Variants in SCAF11 observed in about 807,000 individuals in gnomAD.
The protein encoded by SCAF11 is SR-related CTD associated factor 11.
A neutral mutation model predicts 140.5 loss-of-function variants in SCAF11; 47 were observed. The observed-to-expected ratio is 0.33, with a 90% CI of 0.26 to 0.43. The LOEUF (loss-of-function observed/expected upper bound fraction) is 0.43, where lower values mean the gene tolerates loss of function less well. Among genes scored for constraint, SCAF11 ranks in the 20% least tolerant of loss-of-function variants. The pLI is 1.00. For missense variants in SCAF11, 1,645 were observed against 1,705.1 expected, an observed-to-expected ratio of 0.96 and a Z score of 0.62; for synonymous variants, 557 against 579.4, an observed-to-expected ratio of 0.96 and a Z score of 0.55.
At chr12:45,941,341 C>T (rs6582578) in intron 6 of SCAF11, among the ~76,000 whole-genome samples, 129,737 of 152,194 alleles carry the variant, frequency 0.85, 55,664 homozygotes, top group African/African-American at 0.95. Flanking sequence ...TTCTGATATA[C>T]GTACACATTG....
At chr12:45,980,370 T>C (rs1352384981) in intron 1 of SCAF11, among the ~76,000 whole-genome samples, 1 of 152,204 alleles carries the variant, frequency 6.6e-6, no homozygotes, top group East Asian at 1.9e-4. Context: ...TATGGATATG[T>C]TTAGCAACCA....
chr12:45,966,046 C>A (rs1945938952), intron 1 of SCAF11, among the ~76,000 whole-genome samples: 1 of 152,116 alleles, frequency 6.6e-6, no homozygotes, highest in Admixed American at 6.5e-5. Flanking sequence ...CCACTCTTAG[C>A]CTATGTGTGC....
Position 45,953,775 on chromosome 12 carries a change from GTCTC to G in SCAF11, c.220-2052_220-2049del, listed in dbSNP as rs1204183774. ...TTTTAATAAACTCGAGCAAGTTACA[GTCTC>G]TCTGTGCCTCAGTAACCTTATTTGT... is the stretch of plus-strand genomic sequence containing the variant. On this transcript the variant is annotated intron_variant, in intron 3 of 14. Coordinates refer to ENST00000369367, the MANE Select transcript of SCAF11 (RefSeq NM_004719.3). 17 of 447,550 alleles carry G rather than the reference GTCTC, an allele frequency of 3.8e-5. No homozygotes were observed. In the Admixed American group the frequency reaches 5.4e-4, roughly 14 times the overall value. The allele number at this position is 447,550 out of a possible 1,614,324, so 27.7% of individuals were successfully genotyped here. A position where few individuals can be genotyped will look rare whatever the true frequency, so the allele number is the denominator to read the frequency against.
chr12:45,992,055 T>C, upstream of SCAF11: 1 of 1,288,336 alleles, frequency 7.8e-7, no homozygotes, highest in Non-Finnish European at 1.0e-6. Context: ...CCTTCCTGCA[T>C]TCTCGCAGAC....
chr12:45,938,519 A>C (rs1397381675), intron 6 of SCAF11, among the ~76,000 whole-genome samples: 1 of 151,902 alleles, frequency 6.6e-6, no homozygotes, highest in Non-Finnish European at 1.5e-5. Flanking sequence ...CAAACAAAAA[A>C]CACACTTTTC....
chr12:45,990,154 CG>C (rs1230390831), intron 1 of SCAF11, among the ~76,000 whole-genome samples, 198 bp downstream of exon 1: 4 of 152,008 alleles, frequency 2.6e-5, no homozygotes, highest in Non-Finnish European at 5.9e-5. Context: ...CCCTCCCGGC[CG>C]CAGCCTCCCC....
Position 45,928,843 on chromosome 12 carries a change from T to G in SCAF11, c.858A>C (p.Gly286=). 6.4e-7 allele frequency: 1 copy of G among 1,559,086 alleles called. No individual in the cohort carries two copies. Among genetic ancestry groups the G allele is most frequent in the Non-Finnish European group, 8.6e-7 (1 of 1,157,474 alleles). Residue 286 remains glycine, a synonymous_variant, in exon 11 of 15, where the codon GGA becomes GGC. Coordinates refer to ENST00000369367, the MANE Select transcript of SCAF11 (RefSeq NM_004719.3). The part of the protein sequence containing the change: ...SFEHFGTSCK[G]YALAHTQEGE... Reference sequence around the variant, plus strand: ...CTTCTTGAGTATGTGCTAATGCATATCCCTTGCAAGAAGTACCTAATAATA... The same window carrying G: ...CTTCTTGAGTATGTGCTAATGCATAGCCCTTGCAAGAAGTACCTAATAATA...
upstream of SCAF11, among the ~76,000 whole-genome samples, chr12:45,991,633 G>A (rs1592237743): frequency 1.3e-5 from 2 of 152,310 alleles, no homozygotes; most frequent in Admixed American, 1.3e-4. Flanking sequence ...TGACGTGTGT[G>A]CCATCCTCCA....
At chr12:45,939,323 T>C (rs1437192533) in intron 6 of SCAF11, among the ~76,000 whole-genome samples, 3 of 152,154 alleles carry the variant, frequency 2.0e-5, no homozygotes, top group Non-Finnish European at 4.4e-5. Flanking sequence ...GATTACTGTA[T>C]AACAAATGAC....
At chr12:45,942,944 TTAGG>T (rs2136552788) in intron 6 of SCAF11, among the ~76,000 whole-genome samples, 2 of 150,162 alleles carry the variant, frequency 1.3e-5, no homozygotes, top group South Asian at 2.1e-4. Context: ...CTCAGTATAG[TTAGG>T]TATTTGTTAA....
At chr12:45,968,634 C>T (rs1231115360) in intron 1 of SCAF11, among the ~76,000 whole-genome samples, 1 of 152,142 alleles carries the variant, frequency 6.6e-6, no homozygotes, top group Non-Finnish European at 1.5e-5. Context: ...CCAGCCACTA[C>T]ACTGCATTCA....
chr12:45,955,927 T>C (rs1945680539), intron 3 of SCAF11: 3 of 573,042 alleles, frequency 5.2e-6, no homozygotes, highest in South Asian at 4.0e-5. Flanking sequence ...ACAGAGCATA[T>C]GTTTTACTGT....
Position 45,922,973 on chromosome 12 carries a change from G to T in SCAF11, c.4088C>A (p.Ala1363Glu), listed in dbSNP as rs755267265. ...VKLAESKVSV[A>E]VEASADSSKT... The stretch of plus-strand genomic sequence containing the variant: ...CGAGCTATCTGCGCTGGCTTCCACT[G>T]CAACACTTACTTTGCTTTCTGCCAA... The change falls in exon 13 of 15, where the codon GCA becomes GAA. Residue 1363 changes from alanine to glutamate, a missense_variant. By Grantham distance (107) the Ala-to-Glu change is moderately radical (BLOSUM62 -1). Transcript: ENST00000369367. 121 of 1,614,040 alleles carry T rather than the reference G, an allele frequency of 7.5e-5. No homozygotes were observed. In the South Asian group the frequency reaches 1.2e-3, roughly 16 times the overall value.
chr12:45,978,974 C>G (rs1379692147), intron 1 of SCAF11, among the ~76,000 whole-genome samples: 2 of 151,826 alleles, frequency 1.3e-5, no homozygotes, highest in South Asian at 2.1e-4. Context: ...GTTGTGGAGG[C>G]TAAGAAGTCT....
chr12:45,967,915 G>A (rs1245520689), intron 1 of SCAF11, among the ~76,000 whole-genome samples: 1 of 152,178 alleles, frequency 6.6e-6, no homozygotes, highest in African/African-American at 2.4e-5. Context: ...GGATCCACAA[G>A]TATTTTTGAA....
Position 45,924,797 on chromosome 12 carries a change from T to A in SCAF11, c.3837A>T (p.Pro1279=). The A allele has an allele frequency of 1.9e-6, 2 of 1,027,482 alleles. No homozygotes were observed. The highest frequency in any genetic ancestry group is 2.9e-6 in the Non-Finnish European group (2 of 684,016). The allele number at this position is 1,027,482 out of a possible 1,614,324, so 63.6% of individuals were successfully genotyped here. The change falls in exon 12 of 15, where the codon CCA becomes CCT. Residue 1279 remains proline (P), a synonymous_variant. Transcript: ENST00000369367. ...PTSVSQGLPP[P]PPPPPPSQQV... The stretch of plus-strand genomic sequence containing the variant: ...GTTGGGATGGTGGGGGAGGGGGTGG[T>A]GGTGGTGGTAGTCCCTGAGATACAC...
intron 3 of SCAF11, chr12:45,960,417 TA>T (rs1565681532): frequency 6.6e-6 from 1 of 152,018 alleles, no homozygotes; most frequent in African/African-American, 2.4e-5. Context: ...GCAAAATCTC[TA>T]AAAAAATTTA....
At chr12:45,972,909 G>A (rs12813334) in intron 1 of SCAF11, among the ~76,000 whole-genome samples, 1 of 68,470 alleles carries the variant, frequency 1.5e-5, no homozygotes, top group African/African-American at 6.3e-5. Flanking sequence ...TATATATATA[G>A]ATATATATAT....
rs1267937096 is a variant in SCAF11 at position 45,928,849 on chromosome 12, G to C, written c.852C>G (p.Cys284Trp). The C allele has an allele frequency of 6.6e-7, 1 of 1,520,928 alleles. No homozygotes were observed. Among genetic ancestry groups the C allele is most frequent in the East Asian group, 2.3e-5 (1 of 42,618 alleles). 94.2% of individuals were successfully genotyped at this position (1,520,928 alleles called of 1,614,324 possible). A position where few individuals can be genotyped will look rare whatever the true frequency, so the allele number is the denominator to read the frequency against. ...GAGTATGTGCTAATGCATATCCCTT[G>C]CAAGAAGTACCTAATAATATTTAAA... ...TISFEHFGTS[C>W]KGYALAHTQE... The change falls in exon 11 of 15, where the codon TGC becomes TGG. Residue 284 changes from cysteine to tryptophan, a missense_variant. Transcript: ENST00000369367.
Sources: gnomAD v4.1 joint callset for allele counts (sites outside exome capture counted in the v4.1 genomes callset) on GRCh38, gnomAD v4.1.1 for gene constraint, MANE v1.5 for transcripts, NCBI Gene and HGNC (gene_info 2026-07-23, HGNC 2026-07-21) for gene names.